The following CCN5 variants were observed in gnomAD, a reference collection of about 807,000 sequenced individuals.
CCN5 encodes CCN family member 5.
In CCN5, 17 loss-of-function variants were observed where a neutral mutation model predicts 18.7. The ratio of observed to expected loss-of-function variants is 0.91; its 90% confidence interval spans 0.62 to 1.36. The LOEUF (loss-of-function observed/expected upper bound fraction) is 1.36. Ranked by LOEUF, CCN5 falls within the 40% of genes most tolerant of loss-of-function variation. The probability of loss-of-function intolerance (pLI) is 0.00; values close to 1 mark genes in which losing one functional copy is unlikely to be tolerated. For synonymous variants in CCN5, 135 were observed against 145.2 expected (o/e 0.93, Z 0.50); for missense variants, 367 against 342.9 (o/e 1.07, Z -0.56).
rs2065925395 is a variant in CCN5, at chr20:44,724,913, C to T, written c.453C>T (p.Val151=). The T allele has an allele frequency of 1.3e-6, 2 of 1,594,476 alleles. No individual in the cohort carries two copies. The highest frequency in any genetic ancestry group is 2.7e-5 in the African/African-American group (2 of 74,802). ...PSWDCPHPRR[V]EVLGKCCPEW... ...GGGACTGCCCCCACCCCAGGAGGGTCGAGGTCCTGGGCAAGTGCTGCCCTG... is the reference window on the plus strand; with the variant it reads ...GGGACTGCCCCCACCCCAGGAGGGTTGAGGTCCTGGGCAAGTGCTGCCCTG... The change falls in exon 3 of 4, where the codon GTC becomes GTT. Residue 151 remains valine, a synonymous_variant. Transcript: ENST00000190983.
chr20:44,724,611 C>T, intron 2 of CCN5, 127 bp from the exon 3 acceptor site: 2 of 1,448,524 alleles, frequency 1.4e-6, no homozygotes, highest in Non-Finnish European at 1.8e-6. Context: ...ATATCCTGGG[C>T]TGGAGCCCTG....
chr20:44,724,531 G>A (rs2065921420), intron 2 of CCN5: 1 of 712,270 alleles, frequency 1.4e-6, no homozygotes, highest in East Asian at 3.0e-5. Flanking sequence ...ATCCAGGCCT[G>A]TCTTCTTGCA....
intron 1 of CCN5, among the ~76,000 whole-genome samples, chr20:44,717,957 G>A (rs974999806): frequency 5.3e-5 from 8 of 152,120 alleles, no homozygotes; most frequent in Non-Finnish European, 1.5e-5. Context: ...TTCAGCTTCG[G>A]ATTTATAGAG....
chr20:44,726,962 A>G (rs955826392), intron 3 of CCN5, 125 bp from the exon 4 acceptor site: 10 of 945,982 alleles, frequency 1.1e-5, no homozygotes, highest in Non-Finnish European at 1.6e-5. Context: ...AATTTACATA[A>G]CAAGAAACTG....
Position 44,722,729 on chromosome 20 carries a change from C to T in CCN5, c.278-2009C>T, listed in dbSNP as rs192315772. ...CCTCAAGTGATCCACCCGCCTCGGC[C>T]TCCCTAAGTGCTGGGATTATAGGTA... On this transcript the variant is annotated intron_variant, in intron 2 of 3. Coordinates refer to ENST00000190983, the MANE Select transcript of CCN5 (RefSeq NM_003881.4). Among the ~76,000 whole-genome samples the T allele has an allele frequency of 2.7e-3, 415 of 152,234 alleles. 1 individual carries two copies. Among genetic ancestry groups the T allele is most frequent in the African/African-American group, 9.8e-3 (407 of 41,528 alleles).
intron 1 of CCN5, among the ~76,000 whole-genome samples, chr20:44,718,874 T>C (rs981678094): frequency 6.6e-6 from 1 of 152,130 alleles, no homozygotes; most frequent in Non-Finnish European, 1.5e-5. Flanking sequence ...TTATTAAAAA[T>C]AAAGATTCCA....
chr20:44,722,463 CTCTT>C (rs1404637598), intron 2 of CCN5, among the ~76,000 whole-genome samples: 1 of 57,804 alleles, frequency 1.7e-5, no homozygotes, highest in East Asian at 3.3e-4. Flanking sequence ...CTATCTCTCT[CTCTT>C]TTTTTTTTTT....
intron 2 of CCN5, chr20:44,721,462 T>C (rs1175756637): frequency 2.3e-5 from 3 of 132,238 alleles, no homozygotes; most frequent in Non-Finnish European, 4.6e-5. Flanking sequence ...CAGTGAGCCA[T>C]GGTTGCGCCA....
At chr20:44,715,540 C>A in intron 1 of CCN5, 90 bp downstream of exon 1, 2 of 1,394,056 alleles carry the variant, frequency 1.4e-6, no homozygotes, top group African/African-American at 1.4e-5. Context: ...ACCCCCTTGG[C>A]AGAATTCCTC....
intron 1 of CCN5, among the ~76,000 whole-genome samples, chr20:44,717,885 GA>G (rs60571299): frequency 0.013 from 1,174 of 90,090 alleles, 12 homozygotes; most frequent in South Asian, 0.039. Context: ...TCTCAAAAAA[GA>G]AAAAAAAAAA....
In CCN5 at chr20:44,724,722, G is replaced by A. The variant is rs775593854; in HGVS notation, c.278-16G>A. 2.5e-6 allele frequency: 4 copies of A among 1,612,126 alleles called. No homozygotes were observed. The Admixed American group carries it at 5.0e-5, about 20-fold the overall frequency. On this transcript the variant is annotated splice_polypyrimidine_tract_variant and intron_variant, in intron 2 of 3. Coordinates refer to ENST00000190983, the MANE Select transcript of CCN5 (RefSeq NM_003881.4). ...CTTTGCGGGTCACCGATGGGGGTGC[G>A]GTTTTTCCTCCGCAGTGGCAGAGGA... is the stretch of plus-strand genomic sequence containing the variant.
rs2065943035 is a variant in CCN5, at chr20:44,727,261, C to T, written c.707C>T (p.Pro236Leu). The T allele has an allele frequency of 6.2e-7, 1 of 1,613,500 alleles. No individual in the cohort carries two copies. The highest frequency in any genetic ancestry group is 1.3e-5 in the African/African-American group (1 of 74,910). Residue 236 changes from proline to leucine, a missense_variant, in exon 4 of 4, where the codon CCC (proline) becomes CTC (leucine). Physicochemically the swap from Pro to Leu is moderately conservative, Grantham distance 98. Coordinates refer to ENST00000190983, the MANE Select transcript of CCN5 (RefSeq NM_003881.4). ...CAGCGCCGCCTGTGCCTGTCCAGGC[C>T]CTGCCCACCCTCCAGGGGTCGCAGT... ...ETQRRLCLSRPCPPSRGRSPQ... is the reference protein window; with the variant it reads ...ETQRRLCLSRLCPPSRGRSPQ...
intron 1 of CCN5, among the ~76,000 whole-genome samples, chr20:44,717,013 T>A (rs1290483576): frequency 6.6e-6 from 1 of 152,164 alleles, no homozygotes; most frequent in African/African-American, 2.4e-5. Context: ...TGCCCAGTAC[T>A]CCTGCCCCAG....
chr20:44,714,886 G>A (rs2065844191), upstream of CCN5: 1 of 153,724 alleles, frequency 6.5e-6, no homozygotes, highest in Non-Finnish European at 1.4e-5. Context: ...GAGCTTAGGA[G>A]ACCTTGGGTC....
rs186778723 is a variant in CCN5 at position 44,724,949 on chromosome 20, C to A, written c.489C>A (p.Cys163Ter). 4.1e-5 allele frequency: 65 copies of A among 1,595,978 alleles called. No individual in the cohort carries two copies. Among genetic ancestry groups the A allele is most frequent in the Non-Finnish European group, 5.5e-5 (64 of 1,172,832 alleles). Residue 163 changes from cysteine (C) to a stop codon, truncating the protein, a stop_gained, in exon 3 of 4, where the codon TGC becomes TGA. Coordinates refer to ENST00000190983, the MANE Select transcript of CCN5 (RefSeq NM_003881.4). LOFTEE classifies it low-confidence loss of function (END_TRUNC). ...GCAAGTGCTGCCCTGAGTGGGTGTG[C>A]GGCCAAGGAGGGGGACTGGGGACCC... ...VLGKCCPEWV[C>*]GQGGGLGTQP...
chr20:44,724,993 G>T lies in CCN5; in HGVS notation c.532+1G>T, dbSNP rs1041548798. ...GGGACCCAGCCCCTTCCAGCCCAAG[G>T]TGAGCGCAGCGGTGGTCCAGGTCAG... On this transcript the variant is annotated splice_donor_variant, in intron 3 of 3. Coordinates refer to ENST00000190983, the MANE Select transcript of CCN5 (RefSeq NM_003881.4). LOFTEE classifies it high-confidence loss of function. 5 of 1,575,326 alleles carry T rather than the reference G, an allele frequency of 3.2e-6. No individual in the cohort carries two copies. The highest frequency in any genetic ancestry group is 4.3e-6 in the Non-Finnish European group (5 of 1,161,922).
intron 3 of CCN5, 44 bp downstream of exon 3, chr20:44,725,036 G>T (rs1442191029): frequency 1.4e-6 from 2 of 1,477,400 alleles, no homozygotes; most frequent in Non-Finnish European, 8.9e-7. Flanking sequence ...CTGCCTGGGG[G>T]CGCCAAGGGC....
chr20:44,724,379 C>T (rs959866622), intron 2 of CCN5: 3 of 295,600 alleles, frequency 1.0e-5, no homozygotes, highest in Admixed American at 5.3e-5. Flanking sequence ...GATCATTACG[C>T]CTATCATTCC....
At chr20:44,716,851 A>G (rs2065862934) in intron 1 of CCN5, 1 of 152,142 alleles carries the variant, frequency 6.6e-6, no homozygotes, top group Non-Finnish European at 1.5e-5. Context: ...TTTAATCTCC[A>G]TCATCACTCA....
Sources: gnomAD v4.1 joint callset for allele counts (sites outside exome capture counted in the v4.1 genomes callset) on GRCh38, gnomAD v4.1.1 for gene constraint, MANE v1.5 for transcripts, NCBI Gene and HGNC (gene_info 2026-07-23, HGNC 2026-07-21) for gene names.